Variants in RXYLT1 observed in about 807,000 individuals in gnomAD.
The protein encoded by RXYLT1 is ribitol-5-phosphate xylosyltransferase 1.
RXYLT1 carries 41 observed loss-of-function variants against 43.5 expected under a neutral mutation model. That is an observed-to-expected ratio of 0.94 (90% CI 0.73 to 1.22). RXYLT1 has a LOEUF of 1.22. Among genes scored for constraint, RXYLT1 ranks in the 50% most tolerant of loss-of-function variants. RXYLT1 has a pLI of 0.00. For synonymous variants in RXYLT1, 166 were observed against 194.4 expected, an observed-to-expected ratio of 0.85 and a Z score of 1.21; for missense variants, 514 against 532.0, an observed-to-expected ratio of 0.97 and a Z score of 0.33.
chr12:63,781,023 G>GTAAACTGGTAAACACTT lies in RXYLT1; in HGVS notation c.175_176insAAACTGGTAAACACTTT (p.Ser59Ter). The GTAAACTGGTAAACACTT allele has an allele frequency of 6.3e-7, 1 of 1,595,252 alleles. No homozygotes were observed. Among genetic ancestry groups the GTAAACTGGTAAACACTT allele is most frequent in the Non-Finnish European group, 8.5e-7 (1 of 1,172,754 alleles). On this transcript the variant is annotated stop_gained and frameshift_variant, in exon 2 of 6. Transcript: ENST00000261234. LOFTEE classifies it high-confidence loss of function. Reference sequence around the variant, plus strand: ...CACTTACTCTTTTTAAAACAGAACAGTCCACTTTGGAAAGTGAAGAATGGA... The same window carrying GTAAACTGGTAAACACTT: ...CACTTACTCTTTTTAAAACAGAACAGTAAACTGGTAAACACTTTCCACTTTGGAAAGTGAAGAATGGA...
chr12:63,801,249 CTTTT>C, intron 3 of RXYLT1, among the ~76,000 whole-genome samples: 1 of 151,958 alleles, frequency 6.6e-6, no homozygotes, highest in East Asian at 1.9e-4. Context: ...CTAATCCTTG[CTTTT>C]TTTAACATTA....
chr12:63,799,745 T>C (rs926436780), intron 3 of RXYLT1, among the ~76,000 whole-genome samples: 5 of 152,138 alleles, frequency 3.3e-5, no homozygotes, highest in African/African-American at 1.2e-4. Context: ...TTTTCCTTCA[T>C]AAAATTGGCC....
At chr12:63,786,849 C>T (rs1032666476) in intron 3 of RXYLT1, among the ~76,000 whole-genome samples, 1 of 152,214 alleles carries the variant, frequency 6.6e-6, no homozygotes, top group East Asian at 1.9e-4. Flanking sequence ...TGCAGTGGCT[C>T]ATGCCTGTAA....
At chr12:63,781,287 G>A in intron 2 of RXYLT1, 113 bp downstream of exon 2, 1 of 1,158,234 alleles carries the variant, frequency 8.6e-7, no homozygotes, top group East Asian at 3.0e-5. Flanking sequence ...AAGGCATCAT[G>A]ATATATTTTT....
chr12:63,789,236 G>C (rs79382486), intron 3 of RXYLT1, among the ~76,000 whole-genome samples: 6,929 of 152,290 alleles, frequency 0.045, 284 homozygotes, highest in East Asian at 0.2. Flanking sequence ...ATAGTGTTGT[G>C]TCTCAGGGAA....
intron 3 of RXYLT1, among the ~76,000 whole-genome samples, chr12:63,799,826 G>A (rs1367651410): frequency 6.6e-6 from 1 of 152,044 alleles, no homozygotes; most frequent in African/African-American, 2.4e-5. Flanking sequence ...ATTTCTAAAA[G>A]AGAAATACAA....
chr12:63,781,249 A>G, intron 2 of RXYLT1, 75 bp downstream of exon 2: 1 of 1,297,272 alleles, frequency 7.7e-7, no homozygotes, highest in South Asian at 2.2e-5. Context: ...ATTCATTTTA[A>G]TATAATTTAT....
intron 2 of RXYLT1, among the ~76,000 whole-genome samples, chr12:63,784,272 A>G (rs1052149769): frequency 6.6e-6 from 1 of 152,132 alleles, no homozygotes; most frequent in Non-Finnish European, 1.5e-5. Flanking sequence ...CCAGGGTACA[A>G]TGAGAATGGA....
chr12:63,782,054 A>G (rs1478791510), intron 2 of RXYLT1, among the ~76,000 whole-genome samples: 1 of 152,114 alleles, frequency 6.6e-6, no homozygotes, highest in Non-Finnish European at 1.5e-5. Context: ...TCTAATATTG[A>G]TTTCTTCTTT....
intron 4 of RXYLT1, chr12:63,804,382 A>C (rs1207104977): frequency 6.6e-6 from 1 of 152,222 alleles, no homozygotes; most frequent in African/African-American, 2.4e-5. Flanking sequence ...TACACAGTTT[A>C]ATCCCTGGTA....
At chr12:63,795,829 A>G (rs902950146) in intron 3 of RXYLT1, 17 of 152,128 alleles carry the variant, frequency 1.1e-4, no homozygotes, top group African/African-American at 3.6e-4. Context: ...ATTATGGGAA[A>G]TTATTGTTTT....
intron 3 of RXYLT1, among the ~76,000 whole-genome samples, chr12:63,793,980 T>C (rs1484656665): frequency 6.6e-6 from 1 of 152,250 alleles, no homozygotes; most frequent in Non-Finnish European, 1.5e-5. Context: ...AGCCATCGGC[T>C]GATGACTCAT....
intron 4 of RXYLT1, among the ~76,000 whole-genome samples, chr12:63,803,301 T>C (rs1898208489): frequency 6.6e-6 from 1 of 151,976 alleles, no homozygotes; most frequent in South Asian, 2.1e-4. Context: ...AAGTTGACTT[T>C]AAGATAAGTT....
At chr12:63,805,027 G>A in intron 4 of RXYLT1, 1 of 441,044 alleles carries the variant, frequency 2.3e-6, no homozygotes, top group Non-Finnish European at 4.0e-6. Context: ...TAACACTTTT[G>A]TAAGAGATGT....
chr12:63,805,215 T>A lies in RXYLT1; in HGVS notation c.744-19T>A. 6.3e-7 allele frequency: 1 copy of A among 1,579,612 alleles called. No individual in the cohort carries two copies. The highest frequency in any genetic ancestry group is 8.6e-7 in the Non-Finnish European group (1 of 1,166,296). On this transcript the variant is annotated intron_variant, in intron 4 of 5. Coordinates refer to ENST00000261234, the MANE Select transcript of RXYLT1 (RefSeq NM_014254.3). ...CAATTCTATATCATATGTTAATTCATGTGTATTTATTTTTATAGATACAGG... is the reference window on the plus strand; with the variant it reads ...CAATTCTATATCATATGTTAATTCAAGTGTATTTATTTTTATAGATACAGG...
At chr12:63,785,403 A>G (rs1897778853) in intron 3 of RXYLT1, 1 of 154,904 alleles carries the variant, frequency 6.5e-6, no homozygotes, top group Non-Finnish European at 1.4e-5. Flanking sequence ...GAGGAATAAT[A>G]TGTAAACCTA....
chr12:63,781,267 T>C (rs1565898340), intron 2 of RXYLT1, 93 bp downstream of exon 2: 2 of 1,247,990 alleles, frequency 1.6e-6, no homozygotes, highest in Non-Finnish European at 2.1e-6. Context: ...TATTTCATAA[T>C]TTGTTAATTA....
chr12:63,809,005 T>G lies in RXYLT1; in HGVS notation c.1245T>G (p.Leu415=). The change falls in exon 6 of 6, where the codon CTT becomes CTG. Residue 415 remains leucine (L), a synonymous_variant. Coordinates refer to ENST00000261234, the MANE Select transcript of RXYLT1 (RefSeq NM_014254.3). ...QEKIERRKML[L]QWYQHFKTEL... ...AAATTGAAAGAAGAAAAATGTTACT[T>G]CAGTGGTATCAGCACTTCAAGACAG... is the stretch of plus-strand genomic sequence containing the variant. 6.2e-7 allele frequency: 1 copy of G among 1,610,852 alleles called. No individual in the cohort carries two copies. The highest frequency in any genetic ancestry group is 8.5e-7 in the Non-Finnish European group (1 of 1,178,054).
At chr12:63,788,399 A>AT (rs1897852372) in intron 3 of RXYLT1, among the ~76,000 whole-genome samples, 1 of 152,252 alleles carries the variant, frequency 6.6e-6, no homozygotes, top group African/African-American at 2.4e-5. Flanking sequence ...TTCTGCTGAT[A>AT]TAAAGCTGTT....
Sources: gnomAD v4.1 joint callset for allele counts (sites outside exome capture counted in the v4.1 genomes callset) on GRCh38, gnomAD v4.1.1 for gene constraint, MANE v1.5 for transcripts, NCBI Gene and HGNC (gene_info 2026-07-23, HGNC 2026-07-21) for gene names.